Variants in GALNT17 observed in about 807,000 individuals in gnomAD.
GALNT17 encodes polypeptide N-acetylgalactosaminyltransferase 17, also known as UDP-GalNAc:polypeptide N-acetylgalactosaminyltransferase-like 3.
A neutral mutation model predicts 63.7 loss-of-function variants in GALNT17; 29 were observed. The ratio of observed to expected loss-of-function variants is 0.46; its 90% confidence interval spans 0.34 to 0.62. GALNT17 has a LOEUF of 0.62. Ranked by LOEUF, GALNT17 falls within the 20% of genes least tolerant of loss-of-function variation. The pLI is 0.01. For missense variants in GALNT17, 603 were observed against 799.6 expected (o/e 0.75, Z 2.97); for synonymous variants, 305 against 318.3 (o/e 0.96, Z 0.45).
At chr7:71,219,659 C>A (rs958189043) in intron 1 of GALNT17, among the ~76,000 whole-genome samples, 1 of 152,088 alleles carries the variant, frequency 6.6e-6, no homozygotes, top group Admixed American at 6.6e-5. Flanking sequence ...AATATGGTAT[C>A]TTTCCCTCGA....
intron 5 of GALNT17, among the ~76,000 whole-genome samples, chr7:71,564,209 T>A (rs1431570859): frequency 6.6e-6 from 1 of 151,814 alleles, no homozygotes; most frequent in East Asian, 1.9e-4. Flanking sequence ...CTTTCCAGCC[T>A]CTGTCAGGCT....
At chr7:71,673,042 T>G (rs1014178647) in intron 8 of GALNT17, among the ~76,000 whole-genome samples, 2 of 152,160 alleles carry the variant, frequency 1.3e-5, no homozygotes, top group African/African-American at 4.8e-5. Context: ...ATTCATTTTT[T>G]GTGTTGATAC....
At chr7:71,152,600 G>A (rs1490116691) in intron 1 of GALNT17, among the ~76,000 whole-genome samples, 1 of 151,990 alleles carries the variant, frequency 6.6e-6, no homozygotes, top group Non-Finnish European at 1.5e-5. Context: ...TCTTCCCCAT[G>A]AGATAGGCTC....
chr7:71,490,932 G>C (rs1787995517), intron 5 of GALNT17, among the ~76,000 whole-genome samples: 1 of 152,108 alleles, frequency 6.6e-6, no homozygotes, highest in Non-Finnish European at 1.5e-5. Context: ...GGTGGCTCAT[G>C]CCTGTAATCC....
At chr7:71,667,302 T>A (rs1790998985) in intron 7 of GALNT17, among the ~76,000 whole-genome samples, 1 of 152,218 alleles carries the variant, frequency 6.6e-6, no homozygotes, top group Non-Finnish European at 1.5e-5. Context: ...TCTCAAGAAT[T>A]AAAAAACCCC....
chr7:71,555,253 C>A (rs540452244), intron 5 of GALNT17, among the ~76,000 whole-genome samples: 1 of 150,784 alleles, frequency 6.6e-6, no homozygotes, highest in South Asian at 2.1e-4. Context: ...GACTGACATC[C>A]AAATTATATC....
At chr7:71,374,264 T>C (rs1404561831) in intron 2 of GALNT17, among the ~76,000 whole-genome samples, 1 of 152,230 alleles carries the variant, frequency 6.6e-6, no homozygotes, top group Non-Finnish European at 1.5e-5. Flanking sequence ...TTTGTGAAAG[T>C]GACTCTGAGC....
chr7:71,486,704 TA>T (rs113797548), intron 5 of GALNT17, among the ~76,000 whole-genome samples: 2,275 of 139,320 alleles, frequency 0.016, 42 homozygotes, highest in African/African-American at 0.053. Context: ...ATAAGTCAAT[TA>T]AAAAAAAAAA....
At chr7:71,265,833 A>G (rs1203455583) in intron 1 of GALNT17, among the ~76,000 whole-genome samples, 3 of 152,210 alleles carry the variant, frequency 2.0e-5, no homozygotes, top group Admixed American at 2.0e-4. Context: ...AACAGGATGT[A>G]TTAGTTTCAT....
intron 5 of GALNT17, among the ~76,000 whole-genome samples, chr7:71,556,920 T>C (rs1389394916): frequency 6.6e-6 from 1 of 151,970 alleles, no homozygotes; most frequent in Non-Finnish European, 1.5e-5. Flanking sequence ...TTAATTATTT[T>C]TATTTTTAAC....
intron 2 of GALNT17, among the ~76,000 whole-genome samples, chr7:71,335,976 T>TA: frequency 6.6e-6 from 1 of 151,044 alleles, no homozygotes; most frequent in East Asian, 1.9e-4. Flanking sequence ...AAAAGCTTTG[T>TA]ATTTTAATTC....
intron 1 of GALNT17, among the ~76,000 whole-genome samples, chr7:71,298,351 A>G (rs978536350): frequency 1.4e-5 from 2 of 145,312 alleles, no homozygotes; most frequent in African/African-American, 2.6e-5. Context: ...TTATATATCA[A>G]TAAACTAATG....
At chr7:71,559,229 G>A (rs1052055646) in intron 5 of GALNT17, among the ~76,000 whole-genome samples, 3 of 152,010 alleles carry the variant, frequency 2.0e-5, no homozygotes, top group Non-Finnish European at 4.4e-5. Context: ...TTAAATTACC[G>A]TAATGTGCCA....
chr7:71,467,095 A>C (rs1787548529), intron 5 of GALNT17, among the ~76,000 whole-genome samples: 1 of 152,316 alleles, frequency 6.6e-6, no homozygotes. Context: ...GTGGGAATGA[A>C]GTTCCTAAAT....
chr7:71,701,882 TATATATATATATAC>T (rs1791651488), intron 9 of GALNT17, among the ~76,000 whole-genome samples: 1 of 88,324 alleles, frequency 1.1e-5, no homozygotes, highest in African/African-American at 5.3e-5. Flanking sequence ...TATATATATG[TATATATATATATAC>T]ACATATATAT....
intron 3 of GALNT17, among the ~76,000 whole-genome samples, chr7:71,395,615 G>T (rs566353859): frequency 2.2e-4 from 34 of 152,296 alleles, no homozygotes; most frequent in Middle Eastern, 6.8e-3. Context: ...GAGTAGAATT[G>T]CTGGGTTATG....
chr7:71,466,265 A>G (rs912253150), intron 5 of GALNT17, among the ~76,000 whole-genome samples: 4 of 152,176 alleles, frequency 2.6e-5, no homozygotes, highest in Non-Finnish European at 5.9e-5. Context: ...ACTAGTTCAG[A>G]CCATGACTGG....
chr7:71,498,251 G>A (rs945519584), intron 5 of GALNT17, among the ~76,000 whole-genome samples: 7 of 152,080 alleles, frequency 4.6e-5, no homozygotes, highest in East Asian at 1.9e-4. Flanking sequence ...TGAGGTGGGC[G>A]GATCACTTGA....
At chr7:71,455,701 G>A (rs189796655) in intron 5 of GALNT17, among the ~76,000 whole-genome samples, 9 of 152,072 alleles carry the variant, frequency 5.9e-5, no homozygotes, top group East Asian at 1.9e-4. Context: ...CAGCCAGCAC[G>A]GGGCATAGGG....
Sources: gnomAD v4.1 joint callset for allele counts (sites outside exome capture counted in the v4.1 genomes callset) on GRCh38, gnomAD v4.1.1 for gene constraint, MANE v1.5 for transcripts, NCBI Gene and HGNC (gene_info 2026-07-23, HGNC 2026-07-21) for gene names.